Variants in CAPZB observed in about 807,000 individuals in gnomAD.
The protein encoded by CAPZB is capping actin protein of muscle Z-line subunit beta, also known as F-actin-capping protein subunit beta.
A neutral mutation model predicts 38.1 loss-of-function variants in CAPZB; 2 were observed. The observed-to-expected ratio is 0.05, with a 90% CI of 0.02 to 0.17. The LOEUF is 0.17. CAPZB is among the 10% of genes least tolerant of loss of function. The probability of loss-of-function intolerance (pLI) is 1.00; values close to 1 mark genes in which losing one functional copy is unlikely to be tolerated. For synonymous variants in CAPZB, 107 were observed against 127.4 expected, an observed-to-expected ratio of 0.84 and a Z score of 1.08; for missense variants, 161 against 334.2, an observed-to-expected ratio of 0.48 and a Z score of 4.04.
Position 19,357,354 on chromosome 1 carries a change from AGC to A in CAPZB, c.471+66_471+67del, listed in dbSNP as rs369101847. 63 of 1,413,316 alleles carry A rather than the reference AGC, an allele frequency of 4.5e-5. 1 individual carries two copies. The East Asian group carries it at 8.7e-4, about 19-fold the overall frequency. The allele number at this position is 1,413,316 out of a possible 1,614,324, so 87.5% of individuals were successfully genotyped here. On this transcript the variant is annotated intron_variant, in intron 5 of 8. Transcript: ENST00000264202. The surrounding 1 kb of genome is among the most constrained non-coding windows in gnomAD (Gnocchi z 4.3). ...CCCCCTACTGCATCTGTTAGAGAGCAGCGCGGCACTGGTTGGTGTGCCATCTG... is the reference window on the plus strand; with the variant it reads ...CCCCCTACTGCATCTGTTAGAGAGCAGCGGCACTGGTTGGTGTGCCATCTG...
chr1:19,423,343 A>T (rs928373116), intron 1 of CAPZB, among the ~76,000 whole-genome samples: 2 of 152,012 alleles, frequency 1.3e-5, no homozygotes, highest in African/African-American at 4.8e-5. Context: ...GGGTCCAAAC[A>T]GGAAACGGTA....
chr1:19,423,521 T>TC (rs2094409810), intron 1 of CAPZB, among the ~76,000 whole-genome samples: 2 of 64,572 alleles, frequency 3.1e-5, no homozygotes, highest in Non-Finnish European at 7.0e-5. Context: ...ACATTCTTTT[T>TC]TTTTTTTTTT....
chr1:19,438,094 G>A (rs2094463840), intron 1 of CAPZB, among the ~76,000 whole-genome samples: 1 of 152,162 alleles, frequency 6.6e-6, no homozygotes, highest in Non-Finnish European at 1.5e-5. Flanking sequence ...CTACGTCAGG[G>A]GAGGGGACCG....
At chr1:19,484,536 G>C (rs2094643823) in intron 1 of CAPZB, 10 of 1,315,176 alleles carry the variant, frequency 7.6e-6, no homozygotes, top group Non-Finnish European at 8.8e-6. Flanking sequence ...CCCTTCCCTC[G>C]CTGGCTCCTA....
intron 1 of CAPZB, among the ~76,000 whole-genome samples, chr1:19,479,877 G>A (rs2094621258): frequency 6.6e-6 from 1 of 152,130 alleles, no homozygotes; most frequent in Non-Finnish European, 1.5e-5. Context: ...CTGAGACTGA[G>A]GCACCCCATG....
chr1:19,369,483 G>A (rs540125430), intron 4 of CAPZB, among the ~76,000 whole-genome samples: 31 of 152,370 alleles, frequency 2.0e-4, no homozygotes, highest in African/African-American at 6.5e-4. Context: ...CCCAGGCAGT[G>A]GCAAGCCGGT....
intron 3 of CAPZB, among the ~76,000 whole-genome samples, chr1:19,383,711 G>C (rs2094188658): frequency 6.6e-6 from 1 of 152,044 alleles, no homozygotes; most frequent in Non-Finnish European, 1.5e-5. Context: ...CTCTCTCCTG[G>C]AACTCCACAT....
chr1:19,458,883 C>G, intron 1 of CAPZB, among the ~76,000 whole-genome samples: 1 of 152,318 alleles, frequency 6.6e-6, no homozygotes, highest in East Asian at 1.9e-4. Context: ...CACATTTAAG[C>G]CCAATTCTGA....
Position 19,356,582 on chromosome 1 carries a change from C to T in CAPZB, c.588+53G>A. 8.3e-7 allele frequency: 1 copy of T among 1,206,432 alleles called. No individual in the cohort carries two copies. Among genetic ancestry groups the T allele is most frequent in the African/African-American group, 1.5e-5 (1 of 67,140 alleles). The allele number at this position is 1,206,432 out of a possible 1,614,324, so 74.7% of individuals were successfully genotyped here. A position where few individuals can be genotyped will look rare whatever the true frequency, so the allele number is the denominator to read the frequency against. On this transcript the variant is annotated intron_variant, in intron 6 of 8. Coordinates refer to ENST00000264202, the MANE Select transcript of CAPZB (RefSeq NM_004930.5). The surrounding 1 kb of genome is among the most constrained non-coding windows in gnomAD (Gnocchi z 4.3). ...GCTCACTCATCTCTGCAGGTCAGCA[C>T]TGAGGCCAGCACCTGTGGGCACTGG...
chr1:19,410,404 G>A (rs755886856), intron 2 of CAPZB, among the ~76,000 whole-genome samples: 4 of 152,164 alleles, frequency 2.6e-5, no homozygotes, highest in Non-Finnish European at 5.9e-5. Flanking sequence ...TGAAAGTATA[G>A]TGATATACTA....
chr1:19,412,254 C>T (rs971400753), intron 2 of CAPZB, among the ~76,000 whole-genome samples: 9 of 152,148 alleles, frequency 5.9e-5, no homozygotes, highest in African/African-American at 1.9e-4. Flanking sequence ...CCATCCATTC[C>T]GCGGCTCCTG....
chr1:19,477,271 CCT>C (rs2094610227), intron 1 of CAPZB, among the ~76,000 whole-genome samples: 1 of 152,204 alleles, frequency 6.6e-6, no homozygotes, highest in South Asian at 2.1e-4. Flanking sequence ...CCCAGCCCAT[CCT>C]CTCTGCCTGA....
chr1:19,360,698 A>C (rs1393942064), intron 4 of CAPZB, among the ~76,000 whole-genome samples: 1 of 152,208 alleles, frequency 6.6e-6, no homozygotes, highest in African/African-American at 2.4e-5. Flanking sequence ...ACCGCATTAA[A>C]GTTTTATAGG....
At chr1:19,391,082 T>C (rs962471326) in intron 2 of CAPZB, among the ~76,000 whole-genome samples, 1 of 151,622 alleles carries the variant, frequency 6.6e-6, no homozygotes, top group Admixed American at 6.6e-5. Context: ...TTTTTTTTTT[T>C]CTTAAATCAT....
At chr1:19,400,363 C>G (rs115472911) in intron 2 of CAPZB, among the ~76,000 whole-genome samples, 5,925 of 152,266 alleles carry the variant, frequency 0.039, 136 homozygotes, top group African/African-American at 0.052. Flanking sequence ...GGCTTCCCGG[C>G]CCACATTCCT....
intron 1 of CAPZB, among the ~76,000 whole-genome samples, chr1:19,425,246 A>G (rs1262643798): frequency 1.3e-5 from 2 of 152,162 alleles, no homozygotes; most frequent in Non-Finnish European, 2.9e-5. Context: ...CCACCACCCA[A>G]TGGTGTGTTC....
intron 1 of CAPZB, among the ~76,000 whole-genome samples, chr1:19,422,729 AAACAAC>A (rs60458604): frequency 0.017 from 2,493 of 150,428 alleles, 67 homozygotes; most frequent in African/African-American, 0.056. Context: ...TCCATCTCAA[AAACAAC>A]AACAACAACA....
intron 3 of CAPZB, among the ~76,000 whole-genome samples, chr1:19,379,460 T>C (rs1040096912): frequency 6.6e-6 from 1 of 152,182 alleles, no homozygotes; most frequent in Non-Finnish European, 1.5e-5. Context: ...TGCTGGAGGC[T>C]CTACATAAAC....
intron 1 of CAPZB, among the ~76,000 whole-genome samples, chr1:19,468,011 G>C (rs1167639491): frequency 6.6e-6 from 1 of 152,152 alleles, no homozygotes; most frequent in African/African-American, 2.4e-5. Context: ...GCTGAGGCAG[G>C]AGGATCCCTT....
Sources: allele counts gnomAD v4.1 joint callset (sites outside exome capture counted in the v4.1 genomes callset), GRCh38; gene constraint gnomAD v4.1.1; non-coding constraint Gnocchi (gnomAD v3.1); transcripts MANE v1.5; gene names NCBI Gene and HGNC (gene_info 2026-07-23, HGNC 2026-07-21).